RASSF5: variants seen among roughly 807,000 people sequenced by gnomAD.
The protein encoded by RASSF5 is Ras association domain family member 5, also known as ras association domain-containing protein 5.
Under a neutral mutation model 40.5 loss-of-function variants are expected in RASSF5, and 25 were observed. That is an observed-to-expected ratio of 0.62 (90% confidence interval 0.45 to 0.86). The LOEUF is 0.86. RASSF5 is among the 40% of genes least tolerant of loss of function. RASSF5 has a pLI of 0.00. For synonymous variants in RASSF5, 246 were observed against 252.4 expected (o/e 0.97, Z 0.24); for missense variants, 521 against 572.8 (o/e 0.91, Z 0.92).
chr1:206,532,001 A>G (rs1168417924), intron 1 of RASSF5, among the ~76,000 whole-genome samples: 5 of 152,056 alleles, frequency 3.3e-5, no homozygotes, highest in Non-Finnish European at 7.4e-5. Flanking sequence ...GCAGTGAGCC[A>G]AGTTCACGCC....
Position 206,507,556 on chromosome 1 carries a change from G to A in RASSF5, c.-47G>A. 3 of 1,397,524 alleles carry A rather than the reference G, an allele frequency of 2.1e-6. No homozygotes were observed. The highest frequency in any genetic ancestry group is 2.8e-6 in the Non-Finnish European group (3 of 1,065,336). 86.6% of individuals were successfully genotyped at this position (1,397,524 alleles called of 1,614,324 possible). On this transcript the variant is annotated 5_prime_UTR_variant, in exon 1 of 6. Coordinates refer to ENST00000579436, the MANE Select transcript of RASSF5 (RefSeq NM_182663.4). ...CTCTCGGGGCTGGCTCGGGAGTAGC[G>A]CAGTCGCCAAAGCCGCCGCTGCCAA... is the stretch of plus-strand genomic sequence containing the variant.
At chr1:206,547,000 G>A (rs1667711113) in intron 2 of RASSF5, among the ~76,000 whole-genome samples, 1 of 152,178 alleles carries the variant, frequency 6.6e-6, no homozygotes. Context: ...GCTAGGCACA[G>A]TGGCTCACAC....
In RASSF5 at chr1:206,584,506, G is replaced by A. The variant is rs781964308; in HGVS notation, c.810G>A (p.Leu270=). ...SIYDAIKEVN[L]AATTDKRTSF... is the part of the protein sequence containing the mutation. ...ATGATGCCATCAAGGAGGTGAACCT[G>A]GCGGCTACCACGGACAAGCGGACAT... Residue 270 remains leucine (L), a synonymous_variant, in exon 4 of 6, where the codon CTG becomes CTA. Coordinates refer to ENST00000579436, the MANE Select transcript of RASSF5 (RefSeq NM_182663.4). This position sits in a 1 kb window ranked among gnomAD's most constrained non-coding sequence, Gnocchi z 4.9. 1 of 1,614,156 alleles carries A rather than the reference G, an allele frequency of 6.2e-7. No individual in the cohort carries two copies. The highest frequency in any genetic ancestry group is 2.2e-5 in the East Asian group (1 of 44,876).
chr1:206,516,449 G>A (rs552465481), intron 1 of RASSF5, among the ~76,000 whole-genome samples: 6 of 151,700 alleles, frequency 4.0e-5, no homozygotes, highest in Non-Finnish European at 5.9e-5. Context: ...GGATTTCCCC[G>A]CATTACACGT....
intron 1 of RASSF5, chr1:206,529,482 C>G: frequency 7.2e-7 from 1 of 1,385,336 alleles, no homozygotes; most frequent in Non-Finnish European, 1.0e-6. Context: ...ACTGGGACGT[C>G]TAGTCCACAG....
At chr1:206,578,175 G>T (rs1394129157) in intron 2 of RASSF5, among the ~76,000 whole-genome samples, 1 of 151,852 alleles carries the variant, frequency 6.6e-6, no homozygotes, top group Non-Finnish European at 1.5e-5. Flanking sequence ...GCAGTGAGTT[G>T]TGATTGCACC....
At chr1:206,553,855 C>T (rs534313185) in intron 2 of RASSF5, among the ~76,000 whole-genome samples, 1 of 152,130 alleles carries the variant, frequency 6.6e-6, no homozygotes, top group African/African-American at 2.4e-5. Flanking sequence ...ACCATGAGGC[C>T]GCAGAGTATA....
At chr1:206,568,620 A>AG (rs1668348393) in intron 2 of RASSF5, among the ~76,000 whole-genome samples, 1 of 152,138 alleles carries the variant, frequency 6.6e-6, no homozygotes, top group Non-Finnish European at 1.5e-5. Context: ...AGGGAGCTCC[A>AG]GCTGGAGCTG....
intron 5 of RASSF5, chr1:206,586,482 C>G (rs1669115063): frequency 8.8e-6 from 2 of 228,356 alleles, no homozygotes; most frequent in Non-Finnish European, 1.7e-5. Context: ...ACTCCTCCAC[C>G]TGCTTTCTGA....
intron 1 of RASSF5, among the ~76,000 whole-genome samples, chr1:206,523,438 T>C (rs1175231517): frequency 8.6e-6 from 1 of 116,414 alleles, no homozygotes; most frequent in African/African-American, 3.3e-5. Context: ...TAATATATTT[T>C]ATATATAATA....
Position 206,560,288 on chromosome 1 carries a change from G to A in RASSF5, c.579+21995G>A, listed in dbSNP as rs1477891975. 2.0e-5 allele frequency among the ~76,000 whole-genome samples: 3 copies of A among 152,196 alleles called. No homozygotes were observed. The highest frequency in any genetic ancestry group is 3.8e-4 in the East Asian group (2 of 5,202). On this transcript the variant is annotated intron_variant, in intron 2 of 5. Transcript: ENST00000579436. The surrounding 1 kb of genome is among the most constrained non-coding windows in gnomAD (Gnocchi z 5.1). ...CTTCAGGGAAGCCTCACTGCTGTGC[G>A]ATGCCACCACCTGGGAGTTGCCACT... is the stretch of plus-strand genomic sequence containing the variant.
At chr1:206,540,855 T>G (rs1429817595) in intron 2 of RASSF5, among the ~76,000 whole-genome samples, 3 of 152,102 alleles carry the variant, frequency 2.0e-5, no homozygotes, top group Non-Finnish European at 4.4e-5. Flanking sequence ...TATATATGGC[T>G]TAGGGGGGTC....
In RASSF5 at chr1:206,579,256, T is replaced by C. The variant is rs191837580; in HGVS notation, c.580-4013T>C. Among the ~76,000 whole-genome samples, 252 of 152,356 alleles carry C rather than the reference T, an allele frequency of 1.7e-3. No homozygotes were observed. The highest frequency in any genetic ancestry group is 3.9e-3 in the African/African-American group (162 of 41,584). ...CGGAATAGATGAATTCCATGCCAGA[T>C]GCACTGAGATGTGTGAGCCCCCAGG... On this transcript the variant is annotated intron_variant, in intron 2 of 5. Transcript: ENST00000579436. The surrounding 1 kb of genome is among the most constrained non-coding windows in gnomAD (Gnocchi z 4.2).
Position 206,587,127 on chromosome 1 carries a change from G to A in RASSF5, c.*149G>A. ...CAGCTGTGGCAAAAGTCTCTTCCAT[G>A]GACAAGTGTTTGCACGAGGGTTCAG... is the stretch of plus-strand genomic sequence containing the variant. On this transcript the variant is annotated 3_prime_UTR_variant, in exon 6 of 6. Transcript: ENST00000579436. The A allele has an allele frequency of 9.8e-7, 1 of 1,019,232 alleles. No individual in the cohort carries two copies. Among genetic ancestry groups the A allele is most frequent in the South Asian group, 1.4e-5 (1 of 71,958 alleles). The allele number at this position is 1,019,232 out of a possible 1,614,324, so 63.1% of individuals were successfully genotyped here. A position where few individuals can be genotyped will look rare whatever the true frequency, so the allele number is the denominator to read the frequency against.
Position 206,535,150 on chromosome 1 carries a change from C to T in RASSF5, c.458-3022C>T, listed in dbSNP as rs1667346597. 6.6e-6 allele frequency among the ~76,000 whole-genome samples: 1 copy of T among 152,168 alleles called. No individual in the cohort carries two copies. Among genetic ancestry groups the T allele is most frequent in the East Asian group, 1.9e-4 (1 of 5,198 alleles). On this transcript the variant is annotated intron_variant, in intron 1 of 5. Coordinates refer to ENST00000579436, the MANE Select transcript of RASSF5 (RefSeq NM_182663.4). The surrounding 1 kb of genome is among the most constrained non-coding windows in gnomAD (Gnocchi z 5.0). ...CCCGGGAGGTGGAGTTTGCAGAGAG[C>T]CACGATAGTGCCACTGCACTGCAGC...
chr1:206,585,038 T>C, intron 4 of RASSF5, 142 bp from the exon 5 acceptor site: 1 of 681,828 alleles, frequency 1.5e-6, no homozygotes, highest in Non-Finnish European at 2.6e-6. Context: ...TGTTCATTAC[T>C]GTCATGTTCA....
intron 2 of RASSF5, among the ~76,000 whole-genome samples, chr1:206,575,026 T>C (rs558444945): frequency 6.3e-5 from 7 of 111,714 alleles, no homozygotes; most frequent in Non-Finnish European, 1.0e-4. Flanking sequence ...TTTTTTGTTT[T>C]TGTTTTTGTT....
In RASSF5 at chr1:206,537,340, T is replaced by C. The variant is rs1290901677; in HGVS notation, c.458-832T>C. Among the ~76,000 whole-genome samples the C allele has an allele frequency of 2.0e-5, 3 of 152,238 alleles. No homozygotes were observed. In the South Asian group the frequency reaches 6.2e-4, roughly 32 times the overall value. ...CGGATCTGGGATGTGGTCTGTGGGC[T>C]ATTTCAGCTGCATTCAGAGTAGCAT... is the stretch of plus-strand genomic sequence containing the variant. On this transcript the variant is annotated intron_variant, in intron 1 of 5. Transcript: ENST00000579436.
chr1:206,527,833 C>A (rs181621052), intron 1 of RASSF5, among the ~76,000 whole-genome samples: 1 of 152,058 alleles, frequency 6.6e-6, no homozygotes, highest in African/African-American at 2.4e-5. Context: ...GAGTAGGGAC[C>A]AGGAACAAGT....
Sources: allele counts gnomAD v4.1 joint callset (sites outside exome capture counted in the v4.1 genomes callset), GRCh38; gene constraint gnomAD v4.1.1; non-coding constraint Gnocchi (gnomAD v3.1); transcripts MANE v1.5; gene names NCBI Gene and HGNC (gene_info 2026-07-23, HGNC 2026-07-21).